The following SLC15A1 variants were observed in gnomAD, a reference collection of about 807,000 sequenced individuals.
SLC15A1 encodes solute carrier family 15 member 1, also known as Caco-2 oligopeptide transporter.
In SLC15A1, 83 loss-of-function variants were observed where a neutral mutation model predicts 92.9. The ratio of observed to expected loss-of-function variants is 0.89; its 90% confidence interval spans 0.75 to 1.07. The LOEUF (loss-of-function observed/expected upper bound fraction) is 1.07. Among genes scored for constraint, SLC15A1 ranks in the 50% least tolerant of loss-of-function variants. The probability of loss-of-function intolerance (pLI) is 0.00; values close to 1 mark genes in which losing one functional copy is unlikely to be tolerated. For missense variants in SLC15A1, 857 were observed against 880.1 expected, an observed-to-expected ratio of 0.97 and a Z score of 0.33; for synonymous variants, 322 against 318.2, an observed-to-expected ratio of 1.01 and a Z score of -0.13.
chr13:98,692,001 A>T (rs1319955846), intron 18 of SLC15A1, among the ~76,000 whole-genome samples: 3 of 151,670 alleles, frequency 2.0e-5, no homozygotes, highest in Admixed American at 2.0e-4. Context: ...TGAACCCAGG[A>T]GGTGGAGGTT....
At chr13:98,745,417 C>A (rs2088484759) in intron 1 of SLC15A1, among the ~76,000 whole-genome samples, 1 of 152,158 alleles carries the variant, frequency 6.6e-6, no homozygotes, top group Admixed American at 6.5e-5. Flanking sequence ...CCCACAAATT[C>A]ACATCCTTCT....
rs1023648245 is a variant in SLC15A1 at position 98,687,118 on chromosome 13, G to GT, written c.1827+462dup. Among the ~76,000 whole-genome samples, 29 of 151,588 alleles carry GT rather than the reference G, an allele frequency of 1.9e-4. 1 individual carries two copies. Among genetic ancestry groups the GT allele is most frequent in the African/African-American group, 6.5e-4 (27 of 41,400 alleles). Reference sequence around the variant, plus strand: ...GTGCTCTACCATGCTCAGCTAATGTGTTTTTTTAATTTTTTTTAATTTTTA... The same window carrying GT: ...GTGCTCTACCATGCTCAGCTAATGTGTTTTTTTTAATTTTTTTTAATTTTTA... On this transcript the variant is annotated intron_variant, in intron 21 of 22. Coordinates refer to ENST00000376503, the MANE Select transcript of SLC15A1 (RefSeq NM_005073.4).
At chr13:98,699,962 A>C (rs1169406670) in intron 18 of SLC15A1, among the ~76,000 whole-genome samples, 1 of 152,198 alleles carries the variant, frequency 6.6e-6, no homozygotes, top group Non-Finnish European at 1.5e-5. Flanking sequence ...GGGTTATATA[A>C]AATTAAATTT....
chr13:98,733,767 G>A (rs539859185), intron 1 of SLC15A1, among the ~76,000 whole-genome samples: 37 of 152,332 alleles, frequency 2.4e-4, no homozygotes, highest in African/African-American at 8.4e-4. Flanking sequence ...TGATCAAGGT[G>A]CTTACCCTCT....
At chr13:98,728,369 T>C (rs376184856) in intron 1 of SLC15A1, among the ~76,000 whole-genome samples, 19 of 152,364 alleles carry the variant, frequency 1.2e-4, no homozygotes, top group African/African-American at 4.3e-4. Context: ...GATTTTTTTC[T>C]ATTTCTATGA....
intron 22 of SLC15A1, among the ~76,000 whole-genome samples, chr13:98,685,682 A>T (rs570120875): frequency 6.6e-6 from 1 of 152,264 alleles, no homozygotes; most frequent in East Asian, 1.9e-4. Context: ...AGCTGCGTTA[A>T]CAACAAGTGG....
intron 16 of SLC15A1, among the ~76,000 whole-genome samples, chr13:98,705,297 G>A (rs1229676823): frequency 6.6e-6 from 1 of 151,824 alleles, no homozygotes; most frequent in African/African-American, 2.4e-5. Context: ...TGGAGGTTGA[G>A]TACCACGAAT....
chr13:98,740,552 C>T (rs1246051934), intron 1 of SLC15A1, among the ~76,000 whole-genome samples: 1 of 152,182 alleles, frequency 6.6e-6, no homozygotes, highest in Non-Finnish European at 1.5e-5. Flanking sequence ...TGGTCTCCCT[C>T]TGCCTCCTCG....
Position 98,752,620 on chromosome 13 carries a change from T to G in SLC15A1, c.-22A>C. 21 of 1,253,154 alleles carry G rather than the reference T, an allele frequency of 1.7e-5. No individual in the cohort carries two copies. Among genetic ancestry groups the G allele is most frequent in the Non-Finnish European group, 2.1e-5 (21 of 998,640 alleles). The allele number at this position is 1,253,154 out of a possible 1,614,324, so 77.6% of individuals were successfully genotyped here. A position where few individuals can be genotyped will look rare whatever the true frequency, so the allele number is the denominator to read the frequency against. Reference sequence around the variant, plus strand: ...CCATGGCGGCGGCTCCCAGGGCTCCTGCGACCTGCCGGCGGGACGTGCTCC... The same window carrying G: ...CCATGGCGGCGGCTCCCAGGGCTCCGGCGACCTGCCGGCGGGACGTGCTCC... On this transcript the variant is annotated 5_prime_UTR_variant, in exon 1 of 23. Coordinates refer to ENST00000376503, the MANE Select transcript of SLC15A1 (RefSeq NM_005073.4).
At chr13:98,742,111 A>C (rs1342297458) in intron 1 of SLC15A1, among the ~76,000 whole-genome samples, 1 of 152,182 alleles carries the variant, frequency 6.6e-6, no homozygotes, top group Non-Finnish European at 1.5e-5. Context: ...GTCCTCCCAG[A>C]ACACAAGAGA....
intron 18 of SLC15A1, among the ~76,000 whole-genome samples, chr13:98,695,780 C>T (rs917677150): frequency 1.3e-5 from 2 of 152,074 alleles, no homozygotes; most frequent in African/African-American, 4.8e-5. Flanking sequence ...TTACTGATAC[C>T]ACATAGTCAA....
At chr13:98,708,604 C>A in intron 15 of SLC15A1, 82 bp downstream of exon 15, 1 of 1,278,370 alleles carries the variant, frequency 7.8e-7, no homozygotes, top group East Asian at 2.4e-5. Flanking sequence ...CCCTAATCCC[C>A]TTCATGCTGA....
At chr13:98,717,873 G>A (rs150957023) in intron 8 of SLC15A1, among the ~76,000 whole-genome samples, 17 of 152,230 alleles carry the variant, frequency 1.1e-4, no homozygotes, top group Non-Finnish European at 2.2e-4. Flanking sequence ...TGAGGTGGCC[G>A]CTGGGCTGTT....
chr13:98,721,330 AC>A, intron 7 of SLC15A1, 164 bp downstream of exon 7: 1 of 713,868 alleles, frequency 1.4e-6, no homozygotes, highest in Non-Finnish European at 2.6e-6. Flanking sequence ...AGGAGGTGAA[AC>A]TCACAGGGAA....
Position 98,726,120 on chromosome 13 carries a change from C to T in SLC15A1, c.245+3G>A. 2 of 1,613,556 alleles carry T rather than the reference C, an allele frequency of 1.2e-6. No homozygotes were observed. Among genetic ancestry groups the T allele is most frequent in the Non-Finnish European group, 1.7e-6 (2 of 1,179,786 alleles). ...TGTGAACAAGAAATTTCCAGCCACT[C>T]ACTTGAACTTTCCCAGCCACGAGTC... is the stretch of plus-strand genomic sequence containing the variant. On this transcript the variant is annotated splice_donor_region_variant and intron_variant, in intron 4 of 22. Transcript: ENST00000376503.
chr13:98,742,650 C>A (rs193224336), intron 1 of SLC15A1, among the ~76,000 whole-genome samples: 119 of 152,302 alleles, frequency 7.8e-4, no homozygotes, highest in African/African-American at 2.6e-3. Context: ...TCTCCTGGTG[C>A]TTTGAGGCCC....
chr13:98,698,703 C>A (rs2088043064), intron 18 of SLC15A1, among the ~76,000 whole-genome samples: 1 of 152,192 alleles, frequency 6.6e-6, no homozygotes, highest in African/African-American at 2.4e-5. Flanking sequence ...TCCCAAAGTG[C>A]TGGGATTACA....
chr13:98,696,489 C>T (rs2088022937), intron 18 of SLC15A1, among the ~76,000 whole-genome samples: 1 of 151,948 alleles, frequency 6.6e-6, no homozygotes, highest in Admixed American at 6.6e-5. Flanking sequence ...AAGAAAGGAT[C>T]CCCCAATATC....
intron 16 of SLC15A1, 73 bp from the exon 17 acceptor site, chr13:98,704,508 C>T: frequency 7.1e-7 from 1 of 1,400,504 alleles, no homozygotes; most frequent in Non-Finnish European, 9.7e-7. Context: ...GCTGGAAGAG[C>T]AGTTATCTGA....
Sources: allele counts gnomAD v4.1 joint callset (sites outside exome capture counted in the v4.1 genomes callset), GRCh38; gene constraint gnomAD v4.1.1; transcripts MANE v1.5; gene names NCBI Gene and HGNC (gene_info 2026-07-23, HGNC 2026-07-21).